JMJD1C: variants seen among roughly 807,000 people sequenced by gnomAD.
JMJD1C encodes jumonji domain-containing protein 1C.
Under a neutral mutation model 245.3 loss-of-function variants are expected in JMJD1C, and 31 were observed. That is an observed-to-expected ratio of 0.13 (90% confidence interval 0.09 to 0.17). The LOEUF (loss-of-function observed/expected upper bound fraction) is 0.17, where lower values mean the gene tolerates loss of function less well. Ranked by LOEUF, JMJD1C falls within the 10% of genes least tolerant of loss-of-function variation. The pLI is 1.00. For synonymous variants in JMJD1C, 1,057 were observed against 1,017.4 expected, an observed-to-expected ratio of 1.04 and a Z score of -0.74; for missense variants, 2,691 against 3,000.2, an observed-to-expected ratio of 0.90 and a Z score of 2.41.
intron 1 of JMJD1C, among the ~76,000 whole-genome samples, chr10:63,450,534 G>C (rs2719815): frequency 0.14 from 21,025 of 151,826 alleles, 2,087 homozygotes; most frequent in Admixed American, 0.29. Flanking sequence ...ACACACAAAA[G>C]TCAATAAATA....
intron 1 of JMJD1C, among the ~76,000 whole-genome samples, chr10:63,480,307 CCTAAA>C (rs930384352): frequency 1.4e-5 from 2 of 144,094 alleles, no homozygotes; most frequent in Non-Finnish European, 3.1e-5. Flanking sequence ...CCAGAAACAG[CCTAAA>C]CTATAGTTTG....
intron 1 of JMJD1C, among the ~76,000 whole-genome samples, chr10:63,385,508 G>C (rs1947529074): frequency 7.5e-6 from 1 of 134,146 alleles, no homozygotes; most frequent in Non-Finnish European, 1.5e-5. Flanking sequence ...TAAGATCATA[G>C]CTCCCTGTAG....
chr10:63,194,218 T>A, intron 14 of JMJD1C, 68 bp downstream of exon 14: 1 of 928,692 alleles, frequency 1.1e-6, no homozygotes, highest in Non-Finnish European at 1.8e-6. Flanking sequence ...TTCTAGATAC[T>A]CCTTTAAGTG....
At chr10:63,344,818 G>A (rs563911719) in intron 2 of JMJD1C, among the ~76,000 whole-genome samples, 59 of 152,078 alleles carry the variant, frequency 3.9e-4, no homozygotes, top group African/African-American at 1.4e-3. Context: ...AATCAATGCT[G>A]TACCACTACA....
At chr10:63,419,756 C>T (rs1026074434) in intron 1 of JMJD1C, among the ~76,000 whole-genome samples, 3 of 147,852 alleles carry the variant, frequency 2.0e-5, no homozygotes, top group African/African-American at 5.0e-5. Flanking sequence ...TCTCAAATCA[C>T]ACTAAGAAAA....
chr10:63,296,929 T>C (rs1347356903), intron 2 of JMJD1C, among the ~76,000 whole-genome samples: 2 of 152,196 alleles, frequency 1.3e-5, no homozygotes, highest in African/African-American at 2.4e-5. Flanking sequence ...AAGATTTTCA[T>C]AAATCAGGTT....
chr10:63,297,241 G>C (rs989652992), intron 2 of JMJD1C, among the ~76,000 whole-genome samples: 2 of 152,224 alleles, frequency 1.3e-5, no homozygotes, highest in Admixed American at 1.3e-4. Flanking sequence ...CTCCAACCCA[G>C]AGAACTTCCT....
At chr10:63,461,885 CAAG>C (rs1329960802) in intron 1 of JMJD1C, among the ~76,000 whole-genome samples, 4 of 152,084 alleles carry the variant, frequency 2.6e-5, no homozygotes, top group South Asian at 2.1e-4. Context: ...CGAAGTTAAA[CAAG>C]AGGAGAGTAA....
chr10:63,344,211 A>G (rs1025162439), intron 2 of JMJD1C, among the ~76,000 whole-genome samples: 3 of 152,218 alleles, frequency 2.0e-5, no homozygotes, highest in African/African-American at 4.8e-5. Flanking sequence ...AGTAACCTGT[A>G]TAGTATTTCC....
intron 3 of JMJD1C, among the ~76,000 whole-genome samples, chr10:63,229,038 T>C (rs1398626293): frequency 6.6e-6 from 1 of 152,070 alleles, no homozygotes; most frequent in Non-Finnish European, 1.5e-5. Context: ...AATGAGAATA[T>C]GCATTAAAAA....
intron 2 of JMJD1C, among the ~76,000 whole-genome samples, chr10:63,368,756 A>T (rs1163127569): frequency 6.6e-6 from 1 of 151,986 alleles, no homozygotes; most frequent in Non-Finnish European, 1.5e-5. Context: ...TCATGATCTC[A>T]GCTCACTGCA....
intron 1 of JMJD1C, among the ~76,000 whole-genome samples, chr10:63,415,234 C>T (rs572093332): frequency 6.7e-6 from 1 of 149,486 alleles, no homozygotes; most frequent in Non-Finnish European, 1.5e-5. Context: ...ATCAGATATA[C>T]CTCATTATGA....
At chr10:63,389,449 T>C (rs1486545918) in intron 1 of JMJD1C, among the ~76,000 whole-genome samples, 1 of 147,202 alleles carries the variant, frequency 6.8e-6, no homozygotes, top group African/African-American at 2.4e-5. Flanking sequence ...TTTTTCTTTT[T>C]TTTTTCCTTT....
At chr10:63,296,410 T>C (rs1416825553) in intron 2 of JMJD1C, among the ~76,000 whole-genome samples, 1 of 152,156 alleles carries the variant, frequency 6.6e-6, no homozygotes, top group Non-Finnish European at 1.5e-5. Context: ...AAAAGGCATA[T>C]CATCACAGCC....
chr10:63,206,492 G>A (rs1172328670), intron 10 of JMJD1C, 103 bp downstream of exon 10: 2 of 836,066 alleles, frequency 2.4e-6, no homozygotes, highest in Admixed American at 2.8e-5. Context: ...CGCAAATGAA[G>A]ACAAAGGATG....
Position 63,465,732 on chromosome 10 carries a change from GCC to G in JMJD1C, c.-72_-71del. On this transcript the variant is annotated 5_prime_UTR_variant, in exon 1 of 26. It removes the in-frame stop codon of an upstream open reading frame in the 5' UTR. Transcript: ENST00000399262. ...AACCGATGAAACCTCACTCCTACCG[GCC>G]GCTCATGCTGAGGAGAGCGGACCGG... 1.9e-6 allele frequency: 3 copies of G among 1,558,142 alleles called. No individual in the cohort carries two copies. Among genetic ancestry groups the G allele is most frequent in the Non-Finnish European group, 2.6e-6 (3 of 1,145,462 alleles).
intron 2 of JMJD1C, among the ~76,000 whole-genome samples, chr10:63,341,913 GAC>G (rs1943417645): frequency 6.6e-6 from 1 of 152,190 alleles, no homozygotes; most frequent in African/African-American, 2.4e-5. Context: ...CAACGCTTTG[GAC>G]ACAGTTACTA....
intron 17 of JMJD1C, 46 bp downstream of exon 17, chr10:63,190,848 C>T: frequency 1.4e-6 from 2 of 1,467,414 alleles, no homozygotes; most frequent in Non-Finnish European, 1.9e-6. Context: ...TCCAAATCAT[C>T]TCTATTTAAG....
chr10:63,194,645 A>G, intron 13 of JMJD1C: 1 of 309,144 alleles, frequency 3.2e-6, no homozygotes, highest in East Asian at 6.0e-5. Flanking sequence ...CTTTCTAAAA[A>G]TTACCAGTCA....
Sources: allele counts gnomAD v4.1 joint callset (sites outside exome capture counted in the v4.1 genomes callset), GRCh38; gene constraint gnomAD v4.1.1; transcripts MANE v1.5; gene names NCBI Gene and HGNC (gene_info 2026-07-23, HGNC 2026-07-21).